Variants in TATDN1 observed in about 807,000 individuals in gnomAD.
The protein encoded by TATDN1 is TatD DNase domain containing 1.
In TATDN1, 40 loss-of-function variants were observed where a neutral mutation model predicts 46.4. The observed-to-expected ratio is 0.86, with a 90% CI of 0.67 to 1.12. The LOEUF is 1.12. Among genes scored for constraint, TATDN1 ranks in the 50% most tolerant of loss-of-function variants. The pLI is 0.00. For missense variants in TATDN1, 326 were observed against 348.4 expected (o/e 0.94, Z 0.51); for synonymous variants, 95 against 105.6 (o/e 0.90, Z 0.62).
chr8:124,530,026 G>A (rs1405365456), intron 1 of TATDN1, among the ~76,000 whole-genome samples: 5 of 152,058 alleles, frequency 3.3e-5, no homozygotes, highest in Non-Finnish European at 7.4e-5. Context: ...GGGAGGCGGA[G>A]GTTATAGTGA....
intron 9 of TATDN1, among the ~76,000 whole-genome samples, chr8:124,501,421 T>C (rs75624063): frequency 0.01 from 1,561 of 152,218 alleles, 12 homozygotes; most frequent in Non-Finnish European, 0.016. Context: ...CTTTTTTTTT[T>C]CTTTTTTTAA....
At chr8:124,536,207 C>G (rs1467884778) in intron 1 of TATDN1, among the ~76,000 whole-genome samples, 1 of 152,134 alleles carries the variant, frequency 6.6e-6, no homozygotes, top group East Asian at 1.9e-4. Context: ...AAATAACACC[C>G]AGGGAATAGA....
chr8:124,499,197 T>C (rs1012710761), intron 9 of TATDN1, among the ~76,000 whole-genome samples: 1 of 152,120 alleles, frequency 6.6e-6, no homozygotes, highest in Non-Finnish European at 1.5e-5. Context: ...GGGTGAGATG[T>C]CATTAGTTTG....
At chr8:124,496,744 G>A (rs1208604190) in intron 9 of TATDN1, among the ~76,000 whole-genome samples, 2 of 152,112 alleles carry the variant, frequency 1.3e-5, no homozygotes, top group East Asian at 1.9e-4. Context: ...GCTTCCTTAT[G>A]TAGCATTTTT....
At chr8:124,517,383 G>A (rs112864034) in intron 4 of TATDN1, among the ~76,000 whole-genome samples, 13,596 of 150,092 alleles carry the variant, frequency 0.091, 798 homozygotes, top group Non-Finnish European at 0.13. Flanking sequence ...AGCCGAGATC[G>A]TGCCATTGCA....
At chr8:124,537,618 G>T (rs1821572099) in intron 1 of TATDN1, among the ~76,000 whole-genome samples, 1 of 152,154 alleles carries the variant, frequency 6.6e-6, no homozygotes, top group African/African-American at 2.4e-5. Context: ...CTTGAGGCAG[G>T]AATTTGGTTG....
At chr8:124,493,091 T>C (rs966263862) in intron 11 of TATDN1, among the ~76,000 whole-genome samples, 1 of 152,196 alleles carries the variant, frequency 6.6e-6, no homozygotes, top group Admixed American at 6.5e-5. Context: ...TAAAAACTAC[T>C]GAAAAAAAAG....
chr8:124,496,339 A>G (rs1316474031), intron 9 of TATDN1, among the ~76,000 whole-genome samples: 1 of 152,186 alleles, frequency 6.6e-6, no homozygotes, highest in Non-Finnish European at 1.5e-5. Flanking sequence ...CTACCTTGAC[A>G]CAAAACTGTC....
intron 9 of TATDN1, chr8:124,503,936 A>G (rs932838644): frequency 2.3e-6 from 3 of 1,303,912 alleles, no homozygotes; most frequent in African/African-American, 1.5e-5. Flanking sequence ...TATGACGTGT[A>G]TATGTATACA....
chr8:124,508,699 CAAA>C lies in TATDN1; in HGVS notation c.390-14_390-12del. ...TGTTTTTCAAAATATCTGCATAATGCAAAAAAAAAAAATTCTCATTACAAATTG... is the reference window on the plus strand; with the variant it reads ...TGTTTTTCAAAATATCTGCATAATGCAAAAAAAAATTCTCATTACAAATTG... On this transcript the variant is annotated splice_polypyrimidine_tract_variant and intron_variant, in intron 6 of 11. Transcript: ENST00000276692. 4 of 1,140,662 alleles carry C rather than the reference CAAA, an allele frequency of 3.5e-6. No homozygotes were observed. The highest frequency in any genetic ancestry group is 4.7e-6 in the Non-Finnish European group (4 of 854,738). The allele number at this position is 1,140,662 out of a possible 1,614,324, so 70.7% of individuals were successfully genotyped here. A position where few individuals can be genotyped will look rare whatever the true frequency, so the allele number is the denominator to read the frequency against.
At chr8:124,506,021 A>G (rs534291693) in intron 8 of TATDN1, among the ~76,000 whole-genome samples, 168 of 152,220 alleles carry the variant, frequency 1.1e-3, no homozygotes, top group African/African-American at 3.9e-3. Context: ...AAAACTATTA[A>G]TAGAACCCAA....
intron 1 of TATDN1, among the ~76,000 whole-genome samples, chr8:124,526,483 A>G (rs141238846): frequency 2.0e-5 from 3 of 152,372 alleles, no homozygotes; most frequent in East Asian, 3.9e-4. Flanking sequence ...TAAGAAAGTA[A>G]GAGATACGGG....
chr8:124,493,497 GA>G (rs1817201060), intron 11 of TATDN1, among the ~76,000 whole-genome samples: 1 of 152,058 alleles, frequency 6.6e-6, no homozygotes, highest in Non-Finnish European at 1.5e-5. Context: ...AAGGGGGTAG[GA>G]AAAAAGGGGT....
intron 4 of TATDN1, among the ~76,000 whole-genome samples, chr8:124,517,876 T>C (rs1819624108): frequency 2.6e-5 from 4 of 152,116 alleles, no homozygotes; most frequent in Admixed American, 1.3e-4. Flanking sequence ...GCAACTCGTA[T>C]CTTAAACACG....
rs761780222 is a variant in TATDN1 at position 124,495,452 on chromosome 8, A to C, written c.664+20T>G. ...TTTGGTATGGTTTAATATGAAACAA[A>C]GTTCTGAAAACAAACTTACCTGTCT... is the stretch of plus-strand genomic sequence containing the variant. On this transcript the variant is annotated intron_variant, in intron 10 of 11. Transcript: ENST00000276692. 6.3e-7 allele frequency: 1 copy of C among 1,584,928 alleles called. No individual in the cohort carries two copies. The highest frequency in any genetic ancestry group is 8.6e-7 in the Non-Finnish European group (1 of 1,163,672).
intron 11 of TATDN1, 171 bp downstream of exon 11, chr8:124,493,662 A>G (rs1298997702): frequency 1.5e-6 from 1 of 646,766 alleles, no homozygotes; most frequent in Non-Finnish European, 2.5e-6. Context: ...TGAGAATGGA[A>G]CTTAAACCAG....
intron 4 of TATDN1, among the ~76,000 whole-genome samples, chr8:124,516,507 G>A (rs546478969): frequency 3.4e-4 from 51 of 150,930 alleles, no homozygotes; most frequent in African/African-American, 1.2e-3. Context: ...ACAGGGTTTC[G>A]CTACGTTGCC....
chr8:124,507,784 C>CAA (rs201337834), intron 8 of TATDN1, among the ~76,000 whole-genome samples: 39 of 93,574 alleles, frequency 4.2e-4, no homozygotes, highest in Middle Eastern at 5.5e-3. Flanking sequence ...TCTTAATAAC[C>CAA]AAAAAAAAAA....
rs530004834 is a variant in TATDN1 at position 124,513,006 on chromosome 8, C to T, written c.389+2740G>A. ...CTTGGCTCACTGCAACCTCCTCCTC[C>T]CCAGTTCAAGCAATTCTCCTGCCTC... On this transcript the variant is annotated intron_variant, in intron 6 of 11. Transcript: ENST00000276692. Among the ~76,000 whole-genome samples the T allele has an allele frequency of 2.0e-4, 30 of 152,166 alleles. No homozygotes were observed. The South Asian group carries it at 4.4e-3, about 22-fold the overall frequency.
Sources: allele counts gnomAD v4.1 joint callset (sites outside exome capture counted in the v4.1 genomes callset), GRCh38; gene constraint gnomAD v4.1.1; transcripts MANE v1.5; gene names NCBI Gene and HGNC (gene_info 2026-07-23, HGNC 2026-07-21).